HIVEP1: variants seen among roughly 807,000 people sequenced by gnomAD.
HIVEP1 encodes the protein zinc finger protein 40.
In HIVEP1, 36 loss-of-function variants were observed where a neutral mutation model predicts 180.0. The ratio of observed to expected loss-of-function variants is 0.20; its 90% CI spans 0.15 to 0.26. The LOEUF (loss-of-function observed/expected upper bound fraction) is 0.26. HIVEP1 is among the 10% of genes least tolerant of loss of function. The probability of loss-of-function intolerance (pLI) is 1.00; values close to 1 mark genes in which losing one functional copy is unlikely to be tolerated. For synonymous variants in HIVEP1, 1,239 were observed against 1,239.0 expected (o/e 1.00, Z 0.00); for missense variants, 3,143 against 3,268.7 (o/e 0.96, Z 0.94).
chr6:12,055,747 A>T (rs1318197365), intron 2 of HIVEP1, among the ~76,000 whole-genome samples: 1 of 152,226 alleles, frequency 6.6e-6, no homozygotes, highest in African/African-American at 2.4e-5. Context: ...GATTGGAATC[A>T]TGAGATTTCA....
At chr6:12,176,881 T>G in the HIVEP1 span, among the ~76,000 whole-genome samples, 2 of 152,220 alleles carry the variant, frequency 1.3e-5, no homozygotes, top group African/African-American at 4.8e-5. Context: ...CTTTTGGCTA[T>G]TCACAATAGC....
chr6:12,146,953 A>G (rs1337028897), intron 7 of HIVEP1, among the ~76,000 whole-genome samples: 1 of 152,126 alleles, frequency 6.6e-6, no homozygotes, highest in Non-Finnish European at 1.5e-5. Flanking sequence ...AAGGAAGGGA[A>G]GGAATTTATT....
the HIVEP1 span, among the ~76,000 whole-genome samples, chr6:12,199,616 C>T: frequency 2.0e-5 from 3 of 152,150 alleles, no homozygotes; most frequent in African/African-American, 4.8e-5. Context: ...CCACCTCGGC[C>T]TCCTAAAGTC....
chr6:12,032,156 T>C (rs1768992906), intron 2 of HIVEP1, among the ~76,000 whole-genome samples: 1 of 151,278 alleles, frequency 6.6e-6, no homozygotes, highest in Non-Finnish European at 1.5e-5. Flanking sequence ...TTTTTTTTTT[T>C]TTGAGACAGA....
intron 2 of HIVEP1, among the ~76,000 whole-genome samples, chr6:12,042,012 G>A (rs1225039628): frequency 1.3e-5 from 2 of 150,306 alleles, no homozygotes; most frequent in East Asian, 1.9e-4. Flanking sequence ...CATTACAAAC[G>A]ACTGCAGTAA....
intron 2 of HIVEP1, among the ~76,000 whole-genome samples, chr6:12,057,645 A>G (rs970973759): frequency 9.9e-5 from 15 of 152,192 alleles, no homozygotes; most frequent in African/African-American, 3.6e-4. Flanking sequence ...CTTCACCATC[A>G]GTTGGTATCT....
At position 12,163,865 on chromosome 6, in the gene HIVEP1, G is replaced by A. The variant is rs779609105; in HGVS notation, c.7561G>A (p.Gly2521Arg). 2.2e-5 allele frequency: 35 copies of A among 1,613,946 alleles called. No individual in the cohort carries two copies. The highest frequency in any genetic ancestry group is 2.5e-5 in the Non-Finnish European group (29 of 1,180,024). Residue 2521 changes from glycine (G) to arginine (R), a missense_variant, in exon 9 of 9, where the codon GGA (glycine) becomes AGA (arginine). By Grantham distance (125) the Gly-to-Arg change is moderately radical. Transcript: ENST00000379388. The part of the protein sequence containing the change: ...HPPGLALNAV[G>R]LQVLTANPSS... Reference sequence around the variant, plus strand: ...ACCAGGACTGGCTCTGAATGCTGTCGGACTGCAGGTTCTGACTGCAAACCC... The same window carrying A: ...ACCAGGACTGGCTCTGAATGCTGTCAGACTGCAGGTTCTGACTGCAAACCC...
the HIVEP1 span, among the ~76,000 whole-genome samples, chr6:12,174,796 G>C: frequency 6.6e-6 from 1 of 150,960 alleles, no homozygotes; most frequent in Non-Finnish European, 1.5e-5. Flanking sequence ...TACAACTTTT[G>C]TTGTTGTTGT....
At chr6:12,081,332 ATCAG>A (rs1455487966) in intron 2 of HIVEP1, among the ~76,000 whole-genome samples, 1 of 152,108 alleles carries the variant, frequency 6.6e-6, no homozygotes, top group Non-Finnish European at 1.5e-5. Flanking sequence ...CTGCGTTCCC[ATCAG>A]TCACTTTGCC....
At chr6:12,050,363 A>G (rs1770420035) in intron 2 of HIVEP1, among the ~76,000 whole-genome samples, 1 of 152,150 alleles carries the variant, frequency 6.6e-6, no homozygotes, top group Non-Finnish European at 1.5e-5. Context: ...AGACGGGCGG[A>G]TCATGAGGTC....
At chr6:12,066,930 A>G (rs1771632590) in intron 2 of HIVEP1, among the ~76,000 whole-genome samples, 2 of 152,104 alleles carry the variant, frequency 1.3e-5, no homozygotes. Flanking sequence ...ACATACATAC[A>G]AAATATATGT....
intron 2 of HIVEP1, among the ~76,000 whole-genome samples, chr6:12,043,305 A>G (rs866393159): frequency 6.6e-6 from 1 of 151,622 alleles, no homozygotes; most frequent in Admixed American, 6.6e-5. Context: ...TTATATGCGC[A>G]TGAGTGCTCA....
intron 3 of HIVEP1, among the ~76,000 whole-genome samples, chr6:12,109,338 C>A: frequency 6.6e-6 from 1 of 152,184 alleles, no homozygotes; most frequent in East Asian, 1.9e-4. Flanking sequence ...CTTTTACTTT[C>A]ATGAAAGATT....
rs1007869186 is a variant in HIVEP1, at chr6:12,161,736, C to T, written c.6785C>T (p.Thr2262Ile). The change falls in exon 8 of 9, where the codon ACA becomes ATA. Residue 2262 changes from threonine (T) to isoleucine (I), a missense_variant. This residue lies in a region of HIVEP1 where 595 missense variants were observed against 602.2 expected (regional missense o/e 0.99). Coordinates refer to ENST00000379388, the MANE Select transcript of HIVEP1 (RefSeq NM_002114.4). Reference protein sequence around the residue: ...ALLTRMTVLSTAQSDYNRKTL... With the variant: ...ALLTRMTVLSIAQSDYNRKTL... ...CTCACCAGAATGACTGTCCTGAGCA[C>T]AGCACAGTCTGACTACAATAGGAAG... 3 of 1,614,182 alleles carry T rather than the reference C, an allele frequency of 1.9e-6. No individual in the cohort carries two copies. The highest frequency in any genetic ancestry group is 2.5e-6 in the Non-Finnish European group (3 of 1,180,010).
chr6:12,044,673 AGTGCACCTGT>A lies in HIVEP1; in HGVS notation c.40+29011_40+29020del, dbSNP rs766838338. ...GGCTTGCTGTCCTCCACTAAAAGCC[AGTGCACCTGT>A]GTGCAGCTGAGGGCTTTCTGTCCCC... On this transcript the variant is annotated intron_variant, in intron 2 of 8. Coordinates refer to ENST00000379388, the MANE Select transcript of HIVEP1 (RefSeq NM_002114.4). 2.6e-4 allele frequency among the ~76,000 whole-genome samples: 39 copies of A among 150,672 alleles called. 3 individuals carry two copies. The South Asian group carries it at 5.0e-3, about 19-fold the overall frequency.
At chr6:12,112,722 C>A (rs866101648) in intron 3 of HIVEP1, among the ~76,000 whole-genome samples, 2 of 152,082 alleles carry the variant, frequency 1.3e-5, no homozygotes, top group Non-Finnish European at 2.9e-5. Context: ...CTGCTTCCCC[C>A]ACAGGGCTGG....
At chr6:12,060,832 A>G (rs1403794222) in intron 2 of HIVEP1, among the ~76,000 whole-genome samples, 1 of 152,172 alleles carries the variant, frequency 6.6e-6, no homozygotes, top group Non-Finnish European at 1.5e-5. Flanking sequence ...GAATAAGAAG[A>G]ATGCATTACT....
chr6:12,069,681 C>T (rs886595492), intron 2 of HIVEP1, among the ~76,000 whole-genome samples: 2 of 151,296 alleles, frequency 1.3e-5, no homozygotes, highest in Non-Finnish European at 2.9e-5. Flanking sequence ...ATGTAACTAA[C>T]CTGCACATTG....
chr6:12,103,926 C>T (rs1774254717), intron 3 of HIVEP1, among the ~76,000 whole-genome samples: 1 of 152,112 alleles, frequency 6.6e-6, no homozygotes, highest in African/African-American at 2.4e-5. Context: ...AGGTCTATTT[C>T]ACTTTCATTG....
Sources: gnomAD v4.1 joint callset for allele counts (sites outside exome capture counted in the v4.1 genomes callset) on GRCh38, gnomAD v4.1.1 for gene constraint, gnomAD v4.1.1 regional missense constraint, MANE v1.5 for transcripts, NCBI Gene and HGNC (gene_info 2026-07-23, HGNC 2026-07-21) for gene names.